ADGRL2: variants seen among roughly 807,000 people sequenced by gnomAD.
ADGRL2 encodes the protein calcium-independent alpha-latrotoxin receptor 2.
Under a neutral mutation model 157.4 loss-of-function variants are expected in ADGRL2, and 44 were observed. That is an observed-to-expected ratio of 0.28 (90% CI 0.22 to 0.36). The LOEUF is 0.36. Ranked by LOEUF, ADGRL2 falls within the 10% of genes least tolerant of loss-of-function variation. The pLI is 1.00. For missense variants in ADGRL2, 1,510 were observed against 1,768.9 expected (o/e 0.85, Z 2.63); for synonymous variants, 585 against 624.7 (o/e 0.94, Z 0.95).
At chr1:81,363,839 A>G (rs2076019627) in intron 1 of ADGRL2, among the ~76,000 whole-genome samples, 1 of 152,172 alleles carries the variant, frequency 6.6e-6, no homozygotes, top group African/African-American at 2.4e-5. Flanking sequence ...GTACTTGGAA[A>G]ACAACAATAT....
chr1:81,329,212 C>T (rs149573759), intron 1 of ADGRL2, among the ~76,000 whole-genome samples: 1 of 152,158 alleles, frequency 6.6e-6, no homozygotes, highest in East Asian at 1.9e-4. Flanking sequence ...GTTCACTTTT[C>T]CAAACAATAG....
At chr1:81,437,219 G>A (rs1168788802) in intron 1 of ADGRL2, among the ~76,000 whole-genome samples, 4 of 152,142 alleles carry the variant, frequency 2.6e-5, no homozygotes, top group African/African-American at 4.8e-5. Flanking sequence ...CAGATGAGAC[G>A]GGTGTCTGCA....
At chr1:81,925,343 G>A (rs902239685) in intron 3 of ADGRL2, among the ~76,000 whole-genome samples, 1 of 151,830 alleles carries the variant, frequency 6.6e-6, no homozygotes, top group Non-Finnish European at 1.5e-5. Flanking sequence ...TATCCTATGA[G>A]TTTGTTTATA....
At chr1:81,846,079 C>T (rs1252256327) in intron 2 of ADGRL2, among the ~76,000 whole-genome samples, 1 of 151,784 alleles carries the variant, frequency 6.6e-6, no homozygotes, top group African/African-American at 2.4e-5. Flanking sequence ...TCTTTGATCA[C>T]TTAATTTAAA....
At chr1:81,666,977 G>A (rs1246803514) in intron 3 of ADGRL2, among the ~76,000 whole-genome samples, 2 of 152,200 alleles carry the variant, frequency 1.3e-5, no homozygotes, top group East Asian at 3.8e-4. Flanking sequence ...GTGAGATCTG[G>A]AAAGTGGAAG....
At chr1:81,930,260 C>T (rs1238566953) in intron 3 of ADGRL2, among the ~76,000 whole-genome samples, 1 of 152,140 alleles carries the variant, frequency 6.6e-6, no homozygotes, top group South Asian at 2.1e-4. Flanking sequence ...AGTAATGAGG[C>T]ACTATGTCTC....
chr1:81,814,468 G>A (rs697987), intron 1 of ADGRL2, among the ~76,000 whole-genome samples: 150,557 of 151,404 alleles, frequency 0.99, 74,867 homozygotes, highest in Middle Eastern at 1. Context: ...AACATTTTAA[G>A]TGGAAGTTAC....
At chr1:81,354,673 C>T (rs1663147309) in intron 1 of ADGRL2, among the ~76,000 whole-genome samples, 1 of 152,162 alleles carries the variant, frequency 6.6e-6, no homozygotes, top group Non-Finnish European at 1.5e-5. Flanking sequence ...TTCATGTGTG[C>T]CGCTTTCATA....
At chr1:81,729,921 A>G (rs1038416742) in intron 1 of ADGRL2, among the ~76,000 whole-genome samples, 1 of 152,176 alleles carries the variant, frequency 6.6e-6, no homozygotes, top group Non-Finnish European at 1.5e-5. Flanking sequence ...TATATCCTCA[A>G]ATTGTGGCAA....
At position 81,987,899 on chromosome 1, in the gene ADGRL2, A is replaced by T; in HGVS notation, c.3655+13A>T. ...TACAGAGAGACAAGTATGGGAGTAA[A>T]ACTTAACTTTGCCTATCAAATGTAA... On this transcript the variant is annotated intron_variant, in intron 23 of 23. Transcript: ENST00000686636. The T allele has an allele frequency of 3.1e-6, 1 of 326,926 alleles. No homozygotes were observed. Among genetic ancestry groups the T allele is most frequent in the Admixed American group, 3.3e-5 (1 of 29,916 alleles). The allele number at this position is 326,926 out of a possible 1,614,324, so 20.3% of individuals were successfully genotyped here.
At chr1:81,524,747 T>C (rs2148194452) in intron 2 of ADGRL2, among the ~76,000 whole-genome samples, 1 of 152,162 alleles carries the variant, frequency 6.6e-6, no homozygotes, top group African/African-American at 2.4e-5. Context: ...AAATGGAGTT[T>C]GGGGAGAACA....
chr1:81,797,663 G>A (rs576371528), upstream of ADGRL2, among the ~76,000 whole-genome samples: 1 of 152,216 alleles, frequency 6.6e-6, no homozygotes, highest in East Asian at 1.9e-4. Flanking sequence ...ACAAGTGCCT[G>A]ATCACTTCCC....
At chr1:81,315,614 AAGAT>A (rs961821379) in intron 1 of ADGRL2, among the ~76,000 whole-genome samples, 5 of 152,226 alleles carry the variant, frequency 3.3e-5, no homozygotes, top group African/African-American at 1.2e-4. Context: ...CTCTTTTTAA[AAGAT>A]AGAGCTGTCA....
At chr1:81,404,682 T>C (rs1385617766) in intron 1 of ADGRL2, among the ~76,000 whole-genome samples, 1 of 152,204 alleles carries the variant, frequency 6.6e-6, no homozygotes, top group African/African-American at 2.4e-5. Flanking sequence ...TTTTAATCCA[T>C]ATTCAGGTGA....
At chr1:81,950,166 A>C in intron 6 of ADGRL2, 23 bp from the exon 7 acceptor site, 1 of 1,605,182 alleles carries the variant, frequency 6.2e-7, no homozygotes, top group South Asian at 1.1e-5. Flanking sequence ...TTTGAGATTA[A>C]TATACTCATC....
intron 4 of ADGRL2, 104 bp downstream of exon 4, chr1:81,936,941 AT>A (rs2095319371): frequency 2.8e-6 from 2 of 706,854 alleles, no homozygotes; most frequent in East Asian, 5.1e-5. Flanking sequence ...CTACAAAACC[AT>A]TATGTATGCA....
intron 3 of ADGRL2, among the ~76,000 whole-genome samples, chr1:81,646,386 G>T (rs1040598920): frequency 6.6e-6 from 1 of 152,172 alleles, no homozygotes; most frequent in African/African-American, 2.4e-5. Flanking sequence ...CCCTGGTCAC[G>T]ATCCACTAGG....
chr1:81,691,219 A>C (rs2083326042), intron 3 of ADGRL2, among the ~76,000 whole-genome samples: 2 of 152,206 alleles, frequency 1.3e-5, no homozygotes, highest in African/African-American at 4.8e-5. Flanking sequence ...TTAAAGTGAA[A>C]GAAAGAGATT....
chr1:81,730,233 C>A (rs2084672738), intron 1 of ADGRL2, among the ~76,000 whole-genome samples: 1 of 152,068 alleles, frequency 6.6e-6, no homozygotes, highest in Non-Finnish European at 1.5e-5. Context: ...GTAACAAATA[C>A]CATTTTAGAT....
Sources: gnomAD v4.1 joint callset for allele counts (sites outside exome capture counted in the v4.1 genomes callset) on GRCh38, gnomAD v4.1.1 for gene constraint, MANE v1.5 for transcripts, NCBI Gene and HGNC (gene_info 2026-07-23, HGNC 2026-07-21) for gene names.